Variants in CDH18 observed in about 807,000 individuals in gnomAD.
The protein encoded by CDH18 is cadherin-18.
Under a neutral mutation model 67.9 loss-of-function variants are expected in CDH18, and 31 were observed. The ratio of observed to expected loss-of-function variants is 0.46; its 90% CI spans 0.34 to 0.62. The LOEUF (loss-of-function observed/expected upper bound fraction) is 0.62. Ranked by LOEUF, CDH18 falls within the 20% of genes least tolerant of loss-of-function variation. The pLI is 0.01. For missense variants in CDH18, 890 were observed against 975.5 expected (o/e 0.91, Z 1.17); for synonymous variants, 362 against 347.2 (o/e 1.04, Z -0.48).
chr5:19,968,331 A>G (rs1018485611), intron 2 of CDH18, among the ~76,000 whole-genome samples: 15 of 151,734 alleles, frequency 9.9e-5, no homozygotes, highest in South Asian at 2.1e-4. Flanking sequence ...CACAGAATTG[A>G]AAAAAAATTA....
intron 1 of CDH18, among the ~76,000 whole-genome samples, chr5:20,281,542 GCTCTGTTCTTTTCCATTGGTCTATAT>G (rs1304707083): frequency 2.0e-5 from 3 of 151,880 alleles, no homozygotes; most frequent in Non-Finnish European, 4.4e-5. Flanking sequence ...ATTTCTGAGG[GCTCTGTTCTTTTCCATTGGTCTATAT>G]CTCTGTTTTG....
Position 19,483,425 on chromosome 5 carries a change from G to C in CDH18, c.1758C>G (p.Ile586Met), listed in dbSNP as rs774977732. ...PSLSSSSTLTIRVCACERDGR... is the reference protein window; with the variant it reads ...PSLSSSSTLTMRVCACERDGR... ...CATCTCTCTCGCATGCACAAACCCT[G>C]ATGGTGAGGGTGCTGCTGCTGCTGA... Residue 586 changes from isoleucine to methionine, a missense_variant, in exon 12 of 13, where the codon ATC becomes ATG. This residue lies in a region of CDH18 where 656 missense variants were observed against 668.1 expected (regional missense o/e 0.98). Transcript: ENST00000382275. 6.2e-7 allele frequency: 1 copy of C among 1,614,100 alleles called. No homozygotes were observed.
intron 6 of CDH18, among the ~76,000 whole-genome samples, chr5:19,594,739 G>A (rs145938773): frequency 2.0e-5 from 3 of 152,168 alleles, no homozygotes; most frequent in Admixed American, 1.3e-4. Context: ...TGCTCTCCCT[G>A]TAAAAAAATG....
intron 5 of CDH18, among the ~76,000 whole-genome samples, chr5:19,656,017 G>A (rs1756336109): frequency 8.2e-6 from 1 of 121,514 alleles, no homozygotes; most frequent in Admixed American, 1.0e-4. Flanking sequence ...TTTACTGACA[G>A]ACTTCTCTTG....
chr5:20,230,890 T>C (rs1161060384), intron 2 of CDH18, among the ~76,000 whole-genome samples: 1 of 152,158 alleles, frequency 6.6e-6, no homozygotes, highest in Non-Finnish European at 1.5e-5. Flanking sequence ...AAGCTCTAAA[T>C]GTTAATAAAC....
intron 1 of CDH18, among the ~76,000 whole-genome samples, chr5:20,267,164 T>C (rs1434134509): frequency 6.6e-6 from 1 of 152,224 alleles, no homozygotes; most frequent in East Asian, 1.9e-4. Flanking sequence ...TAACCAATTT[T>C]CCCAGTACCA....
chr5:20,563,586 T>C (rs904593714), intron 1 of CDH18, among the ~76,000 whole-genome samples: 2 of 152,140 alleles, frequency 1.3e-5, no homozygotes, highest in African/African-American at 4.8e-5. Flanking sequence ...CTAGGGTACA[T>C]GTGTACAAGG....
intron 1 of CDH18, among the ~76,000 whole-genome samples, chr5:20,478,778 C>T (rs963078495): frequency 1.3e-5 from 2 of 152,154 alleles, no homozygotes; most frequent in Non-Finnish European, 2.9e-5. Flanking sequence ...GCCAGAAAGT[C>T]ATCACTGTGG....
At chr5:20,405,098 T>C (rs1746116592) in intron 1 of CDH18, among the ~76,000 whole-genome samples, 1 of 152,106 alleles carries the variant, frequency 6.6e-6, no homozygotes, top group Admixed American at 6.6e-5. Flanking sequence ...TTAAAGTTCA[T>C]ATGGAACCAA....
Position 20,124,836 on chromosome 5 carries a change from G to C in CDH18, c.-518+130608C>G, listed in dbSNP as rs192376504. ...AGCTGTTCTTAAAGCAGAAGAGCTTGGTTGATGACTATATCCTATATAGCA... is the reference window on the plus strand; with the variant it reads ...AGCTGTTCTTAAAGCAGAAGAGCTTCGTTGATGACTATATCCTATATAGCA... On this transcript the variant is annotated intron_variant, in intron 2 of 14. Coordinates refer to the CDH18 transcript ENST00000507958. Among the ~76,000 whole-genome samples the C allele has an allele frequency of 3.3e-3, 501 of 152,236 alleles. 1 individual carries two copies. The highest frequency in any genetic ancestry group is 4.5e-3 in the Non-Finnish European group (305 of 68,006).
intron 2 of CDH18, among the ~76,000 whole-genome samples, chr5:20,228,472 A>G (rs1741813427): frequency 6.6e-6 from 1 of 152,132 alleles, no homozygotes; most frequent in Non-Finnish European, 1.5e-5. Context: ...TCATTTTTAG[A>G]AAGAATACTT....
At chr5:20,366,741 CGATACA>C (rs1426070341) in intron 1 of CDH18, among the ~76,000 whole-genome samples, 3 of 152,112 alleles carry the variant, frequency 2.0e-5, no homozygotes, top group Non-Finnish European at 4.4e-5. Context: ...ATTCAATTCC[CGATACA>C]TATTAGCTAG....
chr5:20,405,175 C>G (rs559700204), intron 1 of CDH18, among the ~76,000 whole-genome samples: 14 of 152,138 alleles, frequency 9.2e-5, no homozygotes, highest in Non-Finnish European at 1.8e-4. Flanking sequence ...CACGCTACCC[C>G]ACTTCAAACT....
chr5:19,781,137 T>G (rs908785461), intron 3 of CDH18, among the ~76,000 whole-genome samples: 7 of 152,144 alleles, frequency 4.6e-5, no homozygotes, highest in Non-Finnish European at 8.8e-5. Flanking sequence ...CGATATTAAT[T>G]ATGGCTAAAT....
chr5:20,321,074 T>C (rs867247401), intron 1 of CDH18, among the ~76,000 whole-genome samples: 20 of 152,142 alleles, frequency 1.3e-4, no homozygotes, highest in Non-Finnish European at 2.5e-4. Context: ...TTTCTCTTTT[T>C]CCGCTGGAAA....
intron 2 of CDH18, among the ~76,000 whole-genome samples, chr5:19,994,853 T>G (rs565547552): frequency 0.31 from 16,476 of 53,014 alleles, 3,607 homozygotes; most frequent in African/African-American, 0.38. Context: ...TATATATATA[T>G]ATAGAGAGAG....
At chr5:19,663,424 T>C (rs1757460524) in intron 5 of CDH18, among the ~76,000 whole-genome samples, 1 of 151,994 alleles carries the variant, frequency 6.6e-6, no homozygotes, top group African/African-American at 2.4e-5. Flanking sequence ...TGGAAATTCA[T>C]TGAGAGTGAT....
intron 11 of CDH18, among the ~76,000 whole-genome samples, chr5:19,487,428 A>G (rs1232640241): frequency 1.3e-5 from 2 of 152,164 alleles, no homozygotes; most frequent in Non-Finnish European, 2.9e-5. Context: ...TAAACCAATA[A>G]TATGTGTTTA....
chr5:20,430,361 G>A (rs1272611129), intron 1 of CDH18, among the ~76,000 whole-genome samples: 1 of 152,054 alleles, frequency 6.6e-6, no homozygotes, highest in African/African-American at 2.4e-5. Flanking sequence ...TTCACAGATA[G>A]GTAAACTGAA....
Sources: allele counts gnomAD v4.1 joint callset (sites outside exome capture counted in the v4.1 genomes callset), GRCh38; gene constraint gnomAD v4.1.1; regional missense constraint gnomAD v4.1.1; transcripts MANE v1.5; gene names NCBI Gene and HGNC (gene_info 2026-07-23, HGNC 2026-07-21).